The following DYNC1H1 variants were observed in gnomAD, a reference collection of about 807,000 sequenced individuals.
DYNC1H1 encodes the protein dynein cytoplasmic 1 heavy chain 1.
A neutral mutation model predicts 527.1 loss-of-function variants in DYNC1H1; 51 were observed. That is an observed-to-expected ratio of 0.10 (90% CI 0.08 to 0.12). The LOEUF (loss-of-function observed/expected upper bound fraction) is 0.12, where lower values mean the gene tolerates loss of function less well. Among genes scored for constraint, DYNC1H1 ranks in the 10% least tolerant of loss-of-function variants. The probability of loss-of-function intolerance (pLI) is 1.00; values close to 1 mark genes in which losing one functional copy is unlikely to be tolerated. For missense variants in DYNC1H1, 2,771 were observed against 5,971.8 expected (o/e 0.46, Z 17.66); for synonymous variants, 2,189 against 2,278.8 (o/e 0.96, Z 1.12).
intron 73 of DYNC1H1, 95 bp from the exon 74 acceptor site, chr14:102,048,421 G>A (rs2048757254): frequency 6.5e-7 from 1 of 1,535,832 alleles, no homozygotes; most frequent in Non-Finnish European, 8.9e-7. Flanking sequence ...GGAAGCTCTG[G>A]GGCTCTCCCC....
In DYNC1H1 at chr14:102,027,307, C is replaced by G. The variant is rs774312558; in HGVS notation, c.8886+19C>G. ...GATTAAGGTGCGTCTGGTCGGTGGC[C>G]TCTTAATCCCAGCAACAGATGTGTG... On this transcript the variant is annotated intron_variant, in intron 45 of 77. Coordinates refer to ENST00000360184, the MANE Select transcript of DYNC1H1 (RefSeq NM_001376.5). The surrounding 1 kb of genome is among the most constrained non-coding windows in gnomAD (Gnocchi z 7.7). 2.5e-6 allele frequency: 4 copies of G among 1,613,906 alleles called. No individual in the cohort carries two copies. The highest frequency in any genetic ancestry group is 3.4e-6 in the Non-Finnish European group (4 of 1,179,996).
At chr14:102,004,249 TAAA>T (rs1463249542) in intron 23 of DYNC1H1, among the ~76,000 whole-genome samples, 1 of 74,704 alleles carries the variant, frequency 1.3e-5, no homozygotes, top group African/African-American at 2.1e-4. Context: ...GTCTCAAAAA[TAAA>T]TAAATAAATA....
Position 101,983,907 on chromosome 14 carries a change from C to T in DYNC1H1, c.1461+298C>T, listed in dbSNP as rs958908141. Among the ~76,000 whole-genome samples, 1 of 152,042 alleles carries T rather than the reference C, an allele frequency of 6.6e-6. No homozygotes were observed. The highest frequency in any genetic ancestry group is 6.5e-5 in the Admixed American group (1 of 15,270). On this transcript the variant is annotated intron_variant, in intron 7 of 77. Coordinates refer to ENST00000360184, the MANE Select transcript of DYNC1H1 (RefSeq NM_001376.5). The surrounding 1 kb of genome is among the most constrained non-coding windows in gnomAD (Gnocchi z 5.3). Reference sequence around the variant, plus strand: ...TTGGCCAGGCTGGTTTTGAACTGGCCTTCAAGTGTTCCACCTGCCTCGGCC... The same window carrying T: ...TTGGCCAGGCTGGTTTTGAACTGGCTTTCAAGTGTTCCACCTGCCTCGGCC...
At chr14:102,048,132 A>G (rs1191782130) in intron 73 of DYNC1H1, 104 bp downstream of exon 73, 5 of 1,411,072 alleles carry the variant, frequency 3.5e-6, no homozygotes, top group Non-Finnish European at 4.8e-6. Context: ...TGCCGGACGG[A>G]ACGTACTCAC....
chr14:101,979,921 T>C lies in DYNC1H1; in HGVS notation c.721T>C (p.Phe241Leu), dbSNP rs1821211170. ...TGGTGATAAGGTTGAAGACCCAACATTTCTTAATCAGTTACAATCTGGAGT... is the reference window on the plus strand; with the variant it reads ...TGGTGATAAGGTTGAAGACCCAACACTTCTTAATCAGTTACAATCTGGAGT... ...DFGDKVEDPT[F>L]LNQLQSGVNR... Residue 241 changes from phenylalanine (F) to leucine (L), a missense_variant, in exon 4 of 78, where the codon TTT becomes CTT. Coordinates refer to ENST00000360184, the MANE Select transcript of DYNC1H1 (RefSeq NM_001376.5). The surrounding 1 kb of genome is among the most constrained non-coding windows in gnomAD (Gnocchi z 4.6). The C allele has an allele frequency of 1.9e-6, 3 of 1,614,098 alleles. No individual in the cohort carries two copies. Among genetic ancestry groups the C allele is most frequent in the Non-Finnish European group, 2.5e-6 (3 of 1,180,038 alleles).
Position 102,049,198 on chromosome 14 carries a change from C to G in DYNC1H1, c.13373-242C>G, listed in dbSNP as rs182594812. 9.6e-5 allele frequency: 56 copies of G among 585,978 alleles called. No homozygotes were observed. In the Admixed American group the frequency reaches 1.4e-3, roughly 14 times the overall value. 36.3% of individuals were successfully genotyped at this position (585,978 alleles called of 1,614,324 possible). A position where few individuals can be genotyped will look rare whatever the true frequency, so the allele number is the denominator to read the frequency against. ...GATTATGGTCCTCCAGAAAGACACACCTGGACTAATTTGACCCTAGAAACT... is the reference window on the plus strand; with the variant it reads ...GATTATGGTCCTCCAGAAAGACACAGCTGGACTAATTTGACCCTAGAAACT... On this transcript the variant is annotated intron_variant, in intron 74 of 77. Coordinates refer to ENST00000360184, the MANE Select transcript of DYNC1H1 (RefSeq NM_001376.5). This position sits in a 1 kb window ranked among gnomAD's most constrained non-coding sequence, Gnocchi z 5.5.
At chr14:101,982,597 A>T (rs897100523) in intron 5 of DYNC1H1, among the ~76,000 whole-genome samples, 6 of 151,926 alleles carry the variant, frequency 3.9e-5, no homozygotes, top group Non-Finnish European at 8.8e-5. Context: ...GTCTCAAAAA[A>T]ATAAAATAAT....
At chr14:101,976,547 AAG>A (rs1491502126) in intron 2 of DYNC1H1, among the ~76,000 whole-genome samples, 1 of 152,032 alleles carries the variant, frequency 6.6e-6, no homozygotes, top group Non-Finnish European at 1.5e-5. Flanking sequence ...TGTCTCAAAA[AAG>A]AAAAAAAAAA....
chr14:101,972,230 G>A (rs76803369), intron 1 of DYNC1H1, among the ~76,000 whole-genome samples: 1 of 149,700 alleles, frequency 6.7e-6, no homozygotes, highest in Non-Finnish European at 1.5e-5. Flanking sequence ...AAAAAAAAAA[G>A]AAAGAAAAGT....
At chr14:101,984,932 CAAAAAAAAAAAAAAA>C (rs773102943) in intron 7 of DYNC1H1, among the ~76,000 whole-genome samples, 6 of 40,158 alleles carry the variant, frequency 1.5e-4, no homozygotes, top group South Asian at 1.1e-3. Context: ...GGCTCCGTCT[CAAAAAAAAAAAAAAA>C]AAAAAAAAAA....
intron 72 of DYNC1H1, 106 bp from the exon 73 acceptor site, chr14:102,047,711 T>G (rs2048745526): frequency 7.4e-7 from 1 of 1,357,514 alleles, no homozygotes. Flanking sequence ...GTTCCCAGTG[T>G]GGACTCACTC....
At position 102,027,105 on chromosome 14, in the gene DYNC1H1, T is replaced by G; in HGVS notation, c.8772-69T>G. 1.3e-6 allele frequency: 2 copies of G among 1,485,330 alleles called. No homozygotes were observed. The highest frequency in any genetic ancestry group is 1.7e-5 in the Admixed American group (1 of 59,858). The allele number at this position is 1,485,330 out of a possible 1,614,324, so 92.0% of individuals were successfully genotyped here. A position where few individuals can be genotyped will look rare whatever the true frequency, so the allele number is the denominator to read the frequency against. On this transcript the variant is annotated intron_variant, in intron 44 of 77. Coordinates refer to ENST00000360184, the MANE Select transcript of DYNC1H1 (RefSeq NM_001376.5). This position sits in a 1 kb window ranked among gnomAD's most constrained non-coding sequence, Gnocchi z 7.7. ...AACATGTCCAAAATACTGTAGACAC[T>G]AGATATGAGTCAAAAGGGGAATGAG...
intron 10 of DYNC1H1, among the ~76,000 whole-genome samples, chr14:101,989,491 G>A (rs1291940400): frequency 6.6e-6 from 1 of 152,216 alleles, no homozygotes; most frequent in Non-Finnish European, 1.5e-5. Flanking sequence ...CTAGCACTGT[G>A]TAAGTAGGCC....
chr14:102,050,409 ACCAGTAAACC>A lies in DYNC1H1; in HGVS notation c.13813-23_13813-14del. 1.2e-6 allele frequency: 2 copies of A among 1,614,086 alleles called. No individual in the cohort carries two copies. The highest frequency in any genetic ancestry group is 1.7e-6 in the Non-Finnish European group (2 of 1,180,020). On this transcript the variant is annotated splice_polypyrimidine_tract_variant and intron_variant, in intron 77 of 77. Transcript: ENST00000360184. ...AGTTTTCTTACTTTTCCCTTAAGCCACCAGTAAACCCCTCTGCTTCTGCAGGTAACCTTAC... is the reference window on the plus strand; with the variant it reads ...AGTTTTCTTACTTTTCCCTTAAGCCACCTCTGCTTCTGCAGGTAACCTTAC...
chr14:102,041,597 C>T lies in DYNC1H1; in HGVS notation c.11965C>T (p.Arg3989Cys), dbSNP rs142701168. Residue 3989 changes from arginine (R) to cysteine (C), a missense_variant, in exon 65 of 78, where the codon CGC becomes TGC. Arg to Cys is a radical substitution (Grantham distance 180). Coordinates refer to ENST00000360184, the MANE Select transcript of DYNC1H1 (RefSeq NM_001376.5). This position sits in a 1 kb window ranked among gnomAD's most constrained non-coding sequence, Gnocchi z 4.5. ...AGCACCCATTGGCCAGGCCATCCAC[C>T]GCCTGCTCCTGATCCAGGCTTTCCG... is the stretch of plus-strand genomic sequence containing the variant. ...PATPIGQAIH[R>C]LLLIQAFRPD... is the part of the protein sequence containing the mutation. The T allele has an allele frequency of 3.8e-5, 61 of 1,614,094 alleles. No individual in the cohort carries two copies. Among genetic ancestry groups the T allele is most frequent in the Non-Finnish European group, 4.7e-5 (56 of 1,180,050 alleles).
At chr14:102,040,742 T>G (rs1396397398) in intron 64 of DYNC1H1, 69 bp downstream of exon 64, 1 of 1,570,574 alleles carries the variant, frequency 6.4e-7, no homozygotes, top group African/African-American at 1.4e-5. Flanking sequence ...AAAGGGATGC[T>G]TTCAAAAAAC....
In DYNC1H1 at chr14:102,017,615, A is replaced by G; in HGVS notation, c.8177+111A>G. On this transcript the variant is annotated intron_variant, in intron 40 of 77. Coordinates refer to ENST00000360184, the MANE Select transcript of DYNC1H1 (RefSeq NM_001376.5). The surrounding 1 kb of genome is among the most constrained non-coding windows in gnomAD (Gnocchi z 4.6). ...GATAATAAAGACAACAATACTGCTT[A>G]TTGTGGATTCCTCTTGGGTTACTTC... The G allele has an allele frequency of 6.4e-7, 1 of 1,567,106 alleles. No individual in the cohort carries two copies. Among genetic ancestry groups the G allele is most frequent in the Non-Finnish European group, 8.8e-7 (1 of 1,141,344 alleles).
At position 102,029,285 on chromosome 14, in the gene DYNC1H1, A is replaced by T; in HGVS notation, c.9469-254A>T. 1 of 538,062 alleles carries T rather than the reference A, an allele frequency of 1.9e-6. No homozygotes were observed. The highest frequency in any genetic ancestry group is 2.1e-5 in the South Asian group (1 of 48,148). 33.3% of individuals were successfully genotyped at this position (538,062 alleles called of 1,614,324 possible). A position where few individuals can be genotyped will look rare whatever the true frequency, so the allele number is the denominator to read the frequency against. On this transcript the variant is annotated intron_variant, in intron 48 of 77. Transcript: ENST00000360184. This position sits in a 1 kb window ranked among gnomAD's most constrained non-coding sequence, Gnocchi z 5.3. ...ACTGACATTTGTGATGCCTTTTCAC[A>T]TAAGTACACCTCTAAAGTTGGTGTA...
chr14:102,007,473 A>AT (rs928844975), intron 28 of DYNC1H1, among the ~76,000 whole-genome samples: 1 of 152,088 alleles, frequency 6.6e-6, no homozygotes, highest in African/African-American at 2.4e-5. Flanking sequence ...TGTCATTGAG[A>AT]TTTTTTTGGC....
Sources: allele counts gnomAD v4.1 joint callset (sites outside exome capture counted in the v4.1 genomes callset), GRCh38; gene constraint gnomAD v4.1.1; non-coding constraint Gnocchi (gnomAD v3.1); transcripts MANE v1.5; gene names NCBI Gene and HGNC (gene_info 2026-07-23, HGNC 2026-07-21).